Variants in PKD1L3 observed in about 807,000 individuals in gnomAD.
The protein encoded by PKD1L3 is polycystin-1-like protein 3.
In PKD1L3, 239 loss-of-function variants were observed where a neutral mutation model predicts 184.1. The ratio of observed to expected loss-of-function variants is 1.30; its 90% CI spans 1.17 to 1.45. PKD1L3 has a LOEUF of 1.45. Ranked by LOEUF, PKD1L3 falls within the 40% of genes most tolerant of loss-of-function variation. The pLI is 0.00. For synonymous variants in PKD1L3, 996 were observed against 778.8 expected (o/e 1.28, Z -4.64); for missense variants, 2,660 against 2,067.2 (o/e 1.29, Z -5.56).
chr16:71,947,791 T>C (rs1786239840), intron 21 of PKD1L3, among the ~76,000 whole-genome samples, 200 bp from the exon 22 acceptor site: 1 of 152,236 alleles, frequency 6.6e-6, no homozygotes, highest in Admixed American at 6.5e-5. Flanking sequence ...ATAATGCTAA[T>C]ATTCATATTT....
intron 13 of PKD1L3, among the ~76,000 whole-genome samples, chr16:71,968,623 T>G (rs878876387): frequency 6.6e-6 from 1 of 152,174 alleles, no homozygotes; most frequent in Non-Finnish European, 1.5e-5. Context: ...TGAGACGGAG[T>G]CTTGCTATGT....
At chr16:71,930,667 A>G (rs1036224052) in intron 28 of PKD1L3, 1 of 151,380 alleles carries the variant, frequency 6.6e-6, no homozygotes, top group African/African-American at 2.4e-5. Context: ...TTTTTTTTCC[A>G]TTGTCATTTT....
intron 23 of PKD1L3, 121 bp from the exon 24 acceptor site, chr16:71,943,145 G>A: frequency 1.5e-6 from 1 of 682,152 alleles, no homozygotes; most frequent in African/African-American, 1.8e-5. Flanking sequence ...AAAACTGGCT[G>A]TTTCATATGG....
rs71153688 is a variant in PKD1L3, at chr16:71,976,264, C to CTTTT, written c.1759+968_1759+971dup. 1.1e-3 allele frequency among the ~76,000 whole-genome samples: 94 copies of CTTTT among 81,774 alleles called. 7 individuals carry two copies. Among genetic ancestry groups the CTTTT allele is most frequent in the Non-Finnish European group, 1.3e-3 (56 of 42,868 alleles). The allele number at this position is 81,774 out of a possible 152,430, so 53.6% of individuals were successfully genotyped here. A position where few individuals can be genotyped will look rare whatever the true frequency, so the allele number is the denominator to read the frequency against. ...ATGAGCCACTGAGTGCCCAGCCTGT[C>CTTTT]TTTTTTTTTTTTTTTTAAGACAGTC... On this transcript the variant is annotated intron_variant, in intron 11 of 29. Transcript: ENST00000620267.
At chr16:71,969,229 C>G (rs984404661) in intron 13 of PKD1L3, among the ~76,000 whole-genome samples, 1 of 152,160 alleles carries the variant, frequency 6.6e-6, no homozygotes. Context: ...CTGCACCCAG[C>G]CAAGTTACAT....
At chr16:71,977,557 GCTCT>G in intron 10 of PKD1L3, 90 bp from the exon 11 acceptor site, 6 of 671,624 alleles carry the variant, frequency 8.9e-6, no homozygotes, top group Non-Finnish European at 1.1e-5. Flanking sequence ...AAACGTCCTA[GCTCT>G]TTTTTTTTTT....
At chr16:71,973,979 G>T (rs886115961) in intron 11 of PKD1L3, among the ~76,000 whole-genome samples, 1 of 145,856 alleles carries the variant, frequency 6.9e-6, no homozygotes, top group Non-Finnish European at 1.5e-5. Context: ...TCTAGCCTGG[G>T]CAACAGAGTG....
chr16:71,970,209 T>G (rs2039660424), intron 12 of PKD1L3, 104 bp from the exon 13 acceptor site: 1 of 884,848 alleles, frequency 1.1e-6, no homozygotes, highest in African/African-American at 1.7e-5. Context: ...AGGTATCTGG[T>G]TCTCTCATTC....
chr16:71,977,295 G>A lies in PKD1L3; in HGVS notation c.1700C>T (p.Pro567Leu), dbSNP rs1407824621. 14 of 1,542,430 alleles carry A rather than the reference G, an allele frequency of 9.1e-6. No homozygotes were observed. The highest frequency in any genetic ancestry group is 5.5e-5 in the African/African-American group (4 of 72,814). Reference protein sequence around the residue: ...MTLYLGFQYQPNCTHFHLNIT... With the variant: ...MTLYLGFQYQLNCTHFHLNIT... ...GTTCAGGTGGAAGTGAGTGCAGTTA[G>A]GCTGATACTGGAACCCCAGGTAGAG... Residue 567 changes from proline to leucine, a missense_variant, in exon 11 of 30, where the codon CCT (proline) becomes CTT (leucine). By Grantham distance (98) the Pro-to-Leu change is moderately conservative. Coordinates refer to ENST00000620267, the MANE Select transcript of PKD1L3 (RefSeq NM_181536.2).
In PKD1L3 at chr16:71,943,906, A is replaced by T. The variant is rs75867702; in HGVS notation, c.3859+124T>A. 7.9e-3 allele frequency: 9,342 copies of T among 1,176,088 alleles called. 541 individuals carry two copies. In the African/African-American group the frequency reaches 0.13, roughly 16 times the overall value. The allele number at this position is 1,176,088 out of a possible 1,614,324, so 72.9% of individuals were successfully genotyped here. ...CTGCTTTACTGGAATCCCAAATCTCACAGGGTGAAGATTTTAAAAGACAGC... is the reference window on the plus strand; with the variant it reads ...CTGCTTTACTGGAATCCCAAATCTCTCAGGGTGAAGATTTTAAAAGACAGC... On this transcript the variant is annotated intron_variant, in intron 23 of 29. Transcript: ENST00000620267.
Position 71,933,494 on chromosome 16 carries a change from A to G in PKD1L3, c.4852T>C (p.Ser1618Pro). Residue 1618 changes from serine (S) to proline (P), a missense_variant, in exon 28 of 30, where the codon TCT (serine) becomes CCT (proline). Transcript: ENST00000620267. ...AFNLLFGCSI[S>P]DYRTFFSSAV... The stretch of plus-strand genomic sequence containing the variant: ...GAGCTGAAAAATGTCCGGTAGTCAG[A>G]GATGCTGCATCCAAACAGCAGGTTA... The G allele has an allele frequency of 6.4e-7, 1 of 1,551,776 alleles. No homozygotes were observed. Among genetic ancestry groups the G allele is most frequent in the African/African-American group, 1.4e-5 (1 of 73,138 alleles).
intron 4 of PKD1L3, among the ~76,000 whole-genome samples, chr16:71,987,986 G>A (rs1001538493): frequency 5.9e-5 from 9 of 152,130 alleles, no homozygotes; most frequent in Non-Finnish European, 1.2e-4. Context: ...GGCCAGGGGA[G>A]TGTCATATAT....
intron 14 of PKD1L3, 47 bp downstream of exon 14, chr16:71,967,857 CAT>C (rs1477146176): frequency 1.2e-4 from 170 of 1,427,142 alleles, no homozygotes; most frequent in Non-Finnish European, 1.6e-4. Context: ...GAGTGTGTCT[CAT>C]GTGGCAGAAG....
Position 71,951,546 on chromosome 16 carries a change from A to T in PKD1L3, c.3190+18T>A. On this transcript the variant is annotated intron_variant, in intron 19 of 29. Coordinates refer to ENST00000620267, the MANE Select transcript of PKD1L3 (RefSeq NM_181536.2). Reference sequence around the variant, plus strand: ...GAGGCAGATGGAAGATTCGTTACTGAAATCTACTGAAGTTTACCACGTGCC... The same window carrying T: ...GAGGCAGATGGAAGATTCGTTACTGTAATCTACTGAAGTTTACCACGTGCC... The T allele has an allele frequency of 6.5e-7, 1 of 1,537,708 alleles. No homozygotes were observed. Among genetic ancestry groups the T allele is most frequent in the Non-Finnish European group, 8.8e-7 (1 of 1,139,510 alleles).
chr16:71,950,019 T>C lies in PKD1L3; in HGVS notation c.3384-2A>G. On this transcript the variant is annotated splice_acceptor_variant, in intron 20 of 29. Coordinates refer to ENST00000620267, the MANE Select transcript of PKD1L3 (RefSeq NM_181536.2). LOFTEE classifies it high-confidence loss of function. Reference sequence around the variant, plus strand: ...AGGATGGCAAAACTGGTGACTTCCCTGAAGCACAAAAGTTGAGGGAATAAT... The same window carrying C: ...AGGATGGCAAAACTGGTGACTTCCCCGAAGCACAAAAGTTGAGGGAATAAT... The C allele has an allele frequency of 6.4e-7, 1 of 1,551,368 alleles. No homozygotes were observed. Among genetic ancestry groups the C allele is most frequent in the Non-Finnish European group, 8.7e-7 (1 of 1,146,944 alleles).
chr16:71,984,496 C>T (rs775879779), intron 5 of PKD1L3, among the ~76,000 whole-genome samples: 1 of 152,184 alleles, frequency 6.6e-6, no homozygotes. Context: ...AAGCCAAAAC[C>T]AAACTTTTCT....
In PKD1L3 at chr16:71,969,376, C is replaced by T. The variant is rs936778004; in HGVS notation, c.2184+499G>A. ...AGGCTGGAGTAAAATGGCACAATAG[C>T]TCACTGCAGCTTCAAGGCTCCTGGG... On this transcript the variant is annotated intron_variant, in intron 13 of 29. Coordinates refer to ENST00000620267, the MANE Select transcript of PKD1L3 (RefSeq NM_181536.2). Among the ~76,000 whole-genome samples the T allele has an allele frequency of 2.9e-4, 42 of 142,468 alleles. 1 individual carries two copies. The highest frequency in any genetic ancestry group is 1.0e-3 in the African/African-American group (39 of 38,216). The allele number at this position is 142,468 out of a possible 152,430, so 93.5% of individuals were successfully genotyped here.
At chr16:71,934,254 C>A in intron 26 of PKD1L3, 129 bp from the exon 27 acceptor site, 7 of 808,428 alleles carry the variant, frequency 8.7e-6, no homozygotes, top group Non-Finnish European at 1.4e-5. Context: ...GATGTGAGAA[C>A]TGCTTTCTAT....
rs1567496766 is a variant in PKD1L3 at position 71,944,123 on chromosome 16, C to CT, written c.3765_3766insA (p.Val1256SerfsTer9). 4.5e-6 allele frequency: 7 copies of CT among 1,551,372 alleles called. No homozygotes were observed. In the Admixed American group the frequency reaches 1.4e-4, roughly 30 times the overall value. On this transcript the variant is annotated frameshift_variant, in exon 23 of 30. Transcript: ENST00000620267. LOFTEE classifies it high-confidence loss of function. ...CTATTTATAGCTGGGGCTACATAGA[C>CT]GGGGTTGTTCTTATCTCTTGAACCT...
Sources: allele counts gnomAD v4.1 joint callset (sites outside exome capture counted in the v4.1 genomes callset), GRCh38; gene constraint gnomAD v4.1.1; transcripts MANE v1.5; gene names NCBI Gene and HGNC (gene_info 2026-07-23, HGNC 2026-07-21).